The following COL23A1 variants were observed in gnomAD, a reference collection of about 807,000 sequenced individuals.
COL23A1 encodes collagen type XXIII alpha 1 chain, also known as collagen alpha-1(XXIII) chain.
Under a neutral mutation model 99.3 loss-of-function variants are expected in COL23A1, and 97 were observed. That is an observed-to-expected ratio of 0.98 (90% confidence interval 0.83 to 1.16). The LOEUF (loss-of-function observed/expected upper bound fraction) is 1.16. Among genes scored for constraint, COL23A1 ranks in the 50% most tolerant of loss-of-function variants. The pLI is 0.00. For synonymous variants in COL23A1, 320 were observed against 308.2 expected, an observed-to-expected ratio of 1.04 and a Z score of -0.40; for missense variants, 762 against 757.4, an observed-to-expected ratio of 1.01 and a Z score of -0.07.
chr5:178,326,937 C>G (rs1050817827), intron 2 of COL23A1, among the ~76,000 whole-genome samples: 6 of 152,222 alleles, frequency 3.9e-5, no homozygotes, highest in Non-Finnish European at 8.8e-5. Flanking sequence ...TCAGGCTGGT[C>G]TCGAACTCCT....
At chr5:178,389,470 G>A (rs1170526039) in intron 2 of COL23A1, among the ~76,000 whole-genome samples, 2 of 152,196 alleles carry the variant, frequency 1.3e-5, no homozygotes, top group East Asian at 1.9e-4. Context: ...CCCAGATGGC[G>A]AGACATTCAC....
At chr5:178,249,312 T>C (rs1316382631) in intron 18 of COL23A1, 106 bp from the exon 19 acceptor site, 13 of 1,101,812 alleles carry the variant, frequency 1.2e-5, no homozygotes, top group Admixed American at 1.8e-5. Flanking sequence ...CACTTTCTCT[T>C]TGTGGGTCCC....
At chr5:178,546,268 C>T (rs1761574426) in intron 2 of COL23A1, among the ~76,000 whole-genome samples, 1 of 152,286 alleles carries the variant, frequency 6.6e-6, no homozygotes. Context: ...CCCTCCATTC[C>T]TAGATCCCGT....
chr5:178,575,480 G>A (rs2113681424), intron 1 of COL23A1, among the ~76,000 whole-genome samples: 2 of 152,290 alleles, frequency 1.3e-5, no homozygotes, highest in South Asian at 4.1e-4. Context: ...ACTCCTATGT[G>A]TTACCTCCTT....
intron 2 of COL23A1, among the ~76,000 whole-genome samples, chr5:178,343,950 C>A (rs116036389): frequency 2.8e-4 from 43 of 152,222 alleles, no homozygotes; most frequent in African/African-American, 8.9e-4. Flanking sequence ...CGTGAGCCAC[C>A]GTACCCGGCC....
intron 2 of COL23A1, among the ~76,000 whole-genome samples, chr5:178,417,683 C>T (rs1475604829): frequency 6.6e-6 from 1 of 152,192 alleles, no homozygotes; most frequent in Non-Finnish European, 1.5e-5. Flanking sequence ...GGGGAATACT[C>T]ATTTCTACAG....
chr5:178,476,869 A>G (rs1757056936), intron 2 of COL23A1, among the ~76,000 whole-genome samples: 2 of 152,246 alleles, frequency 1.3e-5, no homozygotes, highest in Middle Eastern at 3.2e-3. Context: ...AGGTGAGAAC[A>G]CTAAGACTCA....
chr5:178,267,946 G>A (rs1477844938), intron 7 of COL23A1, among the ~76,000 whole-genome samples: 1 of 152,130 alleles, frequency 6.6e-6, no homozygotes, highest in Non-Finnish European at 1.5e-5. Context: ...CACACAGCCC[G>A]GCAACTTGGC....
intron 2 of COL23A1, among the ~76,000 whole-genome samples, chr5:178,406,430 T>A (rs1158006454): frequency 8.0e-6 from 1 of 124,428 alleles, no homozygotes; most frequent in East Asian, 2.0e-4. Flanking sequence ...CCTACACTCT[T>A]TTTTTTTTTT....
intron 2 of COL23A1, among the ~76,000 whole-genome samples, chr5:178,385,913 G>C (rs1268699728): frequency 6.6e-6 from 1 of 152,068 alleles, no homozygotes; most frequent in African/African-American, 2.4e-5. Flanking sequence ...ATATTTCACT[G>C]ATTTTCCCTA....
chr5:178,323,751 G>A (rs1195236867), intron 2 of COL23A1, among the ~76,000 whole-genome samples: 1 of 152,168 alleles, frequency 6.6e-6, no homozygotes, highest in Non-Finnish European at 1.5e-5. Context: ...GAGCAGGGAG[G>A]TGGCTCCCAC....
chr5:178,497,601 C>T lies in COL23A1; in HGVS notation c.361+63081G>A, dbSNP rs1187553849. Among the ~76,000 whole-genome samples, 4 of 152,120 alleles carry T rather than the reference C, an allele frequency of 2.6e-5. No homozygotes were observed. In the East Asian group the frequency reaches 7.7e-4, roughly 29 times the overall value. ...GAAATGGAATTACAGAACAGCTACA[C>T]ATAAAATGTTTACAGAAACATGTAA... On this transcript the variant is annotated intron_variant, in intron 2 of 28. Transcript: ENST00000390654.
chr5:178,390,125 T>C (rs1169203390), intron 2 of COL23A1, among the ~76,000 whole-genome samples: 2 of 152,186 alleles, frequency 1.3e-5, no homozygotes, highest in Non-Finnish European at 2.9e-5. Context: ...AAGGCTGGCC[T>C]TGGATTCAGG....
chr5:178,494,630 G>C (rs1490681184), intron 2 of COL23A1, among the ~76,000 whole-genome samples: 1 of 152,208 alleles, frequency 6.6e-6, no homozygotes, highest in Non-Finnish European at 1.5e-5. Context: ...AGCCGAGATT[G>C]CACCATTGCA....
At chr5:178,562,733 T>TGGGGGGGGGGGGGGGGG (rs879632255) in intron 1 of COL23A1, 2 of 97,646 alleles carry the variant, frequency 2.0e-5, no homozygotes, top group African/African-American at 6.8e-5. Context: ...CGCTGGCTGG[T>TGGGGGGGGGGGGGGGGG]GGTGGGGGGG....
rs778547452 is a variant in COL23A1, at chr5:178,589,952, G to C, written c.246C>G (p.Gly82=). Residue 82 remains glycine, a synonymous_variant, in exon 1 of 29, where the codon GGC becomes GGG. Transcript: ENST00000390654. The surrounding 1 kb of genome is among the most constrained non-coding windows in gnomAD (Gnocchi z 5.4). ...GCGGCTCGGCCCAGGCGTCCAGGGC[G>C]CCTGGCGGCCCCGCGCGCCGCAGCA... is the stretch of plus-strand genomic sequence containing the variant. The part of the protein sequence containing the change: ...RELLRRAGPP[G]ALDAWAEPHL... The C allele has an allele frequency of 3.0e-6, 4 of 1,328,410 alleles. No individual in the cohort carries two copies. The South Asian group carries it at 8.1e-5, about 27-fold the overall frequency. 82.3% of individuals were successfully genotyped at this position (1,328,410 alleles called of 1,614,324 possible).
intron 2 of COL23A1, among the ~76,000 whole-genome samples, chr5:178,529,733 C>T (rs1760534317): frequency 6.6e-6 from 1 of 152,126 alleles, no homozygotes; most frequent in Non-Finnish European, 1.5e-5. Context: ...TCTGTCTCCC[C>T]AGCGAAACTA....
intron 19 of COL23A1, 113 bp from the exon 20 acceptor site, chr5:178,248,367 G>C: frequency 1.3e-6 from 1 of 750,662 alleles, no homozygotes; most frequent in Non-Finnish European, 2.1e-6. Context: ...GCAGTCATCA[G>C]TTAGCTGTTG....
intron 3 of COL23A1, among the ~76,000 whole-genome samples, chr5:178,294,698 A>C (rs1248900145): frequency 6.6e-6 from 1 of 152,272 alleles, no homozygotes; most frequent in African/African-American, 2.4e-5. Context: ...AAATCCTAGA[A>C]GAAAATGTGG....
Sources: gnomAD v4.1 joint callset for allele counts (sites outside exome capture counted in the v4.1 genomes callset) on GRCh38, gnomAD v4.1.1 for gene constraint, Gnocchi (gnomAD v3.1) non-coding constraint, MANE v1.5 for transcripts, NCBI Gene and HGNC (gene_info 2026-07-23, HGNC 2026-07-21) for gene names.